The following FRMPD1 variants were observed in gnomAD, a reference collection of about 807,000 sequenced individuals.
FRMPD1 encodes the protein FERM and PDZ domain-containing protein 1.
Under a neutral mutation model 117.8 loss-of-function variants are expected in FRMPD1, and 76 were observed. That is an observed-to-expected ratio of 0.65 (90% confidence interval 0.54 to 0.78). The LOEUF (loss-of-function observed/expected upper bound fraction) is 0.78. Among genes scored for constraint, FRMPD1 ranks in the 30% least tolerant of loss-of-function variants. The pLI, the probability that FRMPD1 is intolerant of heterozygous loss-of-function variation, is 0.00. For synonymous variants in FRMPD1, 783 were observed against 770.4 expected, an observed-to-expected ratio of 1.02 and a Z score of -0.27; for missense variants, 1,786 against 1,964.5, an observed-to-expected ratio of 0.91 and a Z score of 1.72.
At chr9:37,637,356 T>C in the FRMPD1 span, 1 of 793,368 alleles carries the variant, frequency 1.3e-6, no homozygotes, top group South Asian at 1.4e-5. Flanking sequence ...CGTTCCAAGA[T>C]GGTGGCCGCC....
rs1358861499 is a variant in FRMPD1, at chr9:37,744,935, C to T, written c.2903C>T (p.Thr968Ile). The T allele has an allele frequency of 6.2e-7, 1 of 1,614,228 alleles. No individual in the cohort carries two copies. The highest frequency in any genetic ancestry group is 1.7e-5 in the Admixed American group (1 of 60,034). ...CCTGCTGCCAGCTCCTCAGCAAGCA[C>T]TCCTCACTGTTCTAACCCAGGTTCA... Reference protein sequence around the residue: ...VVPAASSSASTPHCSNPGSSG... With the variant: ...VVPAASSSASIPHCSNPGSSG... The change falls in exon 16 of 16, where the codon ACT (threonine) becomes ATT (isoleucine). Residue 968 changes from threonine to isoleucine, a missense_variant. Coordinates refer to ENST00000377765, the MANE Select transcript of FRMPD1 (RefSeq NM_014907.3).
At chr9:37,727,801 G>T (rs1359342150) in intron 7 of FRMPD1, 1 of 151,824 alleles carries the variant, frequency 6.6e-6, no homozygotes, top group Admixed American at 6.6e-5. Context: ...GGGTAGTTAT[G>T]GGGGGTGATG....
intron 1 of FRMPD1, among the ~76,000 whole-genome samples, chr9:37,676,841 G>A (rs893193273): frequency 7.9e-5 from 12 of 152,130 alleles, no homozygotes; most frequent in African/African-American, 2.4e-4. Flanking sequence ...TAGACAGCCC[G>A]TTCTTATGGG....
At chr9:37,692,791 C>CG in intron 2 of FRMPD1, 49 bp downstream of exon 2, 1 of 1,318,250 alleles carries the variant, frequency 7.6e-7, no homozygotes, top group South Asian at 1.2e-5. Flanking sequence ...TCTGGTGTCC[C>CG]GGGGGAGGAG....
At chr9:37,635,339 G>A in the FRMPD1 span, among the ~76,000 whole-genome samples, 9 of 152,334 alleles carry the variant, frequency 5.9e-5, no homozygotes, top group African/African-American at 1.4e-4. Context: ...AACAGAGGTG[G>A]AGATTAGTAT....
the FRMPD1 span, among the ~76,000 whole-genome samples, chr9:37,618,204 A>C: frequency 6.6e-6 from 1 of 152,380 alleles, no homozygotes; most frequent in Non-Finnish European, 1.5e-5. Context: ...CTTTTATGAC[A>C]GGATTAAAAC....
intron 1 of FRMPD1, among the ~76,000 whole-genome samples, chr9:37,662,801 C>T (rs1415919950): frequency 6.6e-6 from 1 of 152,116 alleles, no homozygotes; most frequent in African/African-American, 2.4e-5. Context: ...TCCAAGTCTT[C>T]AGAATAGATT....
intron 1 of FRMPD1, among the ~76,000 whole-genome samples, chr9:37,664,626 C>T (rs567785842): frequency 2.0e-5 from 3 of 152,012 alleles, no homozygotes; most frequent in Non-Finnish European, 2.9e-5. Flanking sequence ...CAGCTTCATC[C>T]GAGGACATCA....
At chr9:37,675,362 G>C (rs7023356) in intron 1 of FRMPD1, among the ~76,000 whole-genome samples, 3 of 151,170 alleles carry the variant, frequency 2.0e-5, no homozygotes, top group African/African-American at 4.9e-5. Context: ...TGGAGGTTGC[G>C]GAGAGGCGAG....
chr9:37,623,977 G>A, the FRMPD1 span, among the ~76,000 whole-genome samples: 999 of 152,332 alleles, frequency 6.6e-3, 18 homozygotes, highest in African/African-American at 0.023. Context: ...TGGGAGAGGT[G>A]CATATGGTTC....
chr9:37,711,064 T>C (rs760849511), intron 4 of FRMPD1, among the ~76,000 whole-genome samples: 162 of 152,196 alleles, frequency 1.1e-3, no homozygotes, highest in Non-Finnish European at 1.9e-3. Flanking sequence ...CCTTAATTAA[T>C]GTTGTGGCTG....
At chr9:37,619,990 G>T in the FRMPD1 span, among the ~76,000 whole-genome samples, 2 of 151,818 alleles carry the variant, frequency 1.3e-5, no homozygotes, top group Non-Finnish European at 2.9e-5. Flanking sequence ...TTGGTGCTGT[G>T]ATATATTCCC....
intron 2 of FRMPD1, among the ~76,000 whole-genome samples, chr9:37,700,856 C>T (rs762656670): frequency 3.9e-5 from 6 of 152,100 alleles, no homozygotes; most frequent in East Asian, 1.9e-4. Context: ...TGGTTTGAAA[C>T]GATTACAAAG....
chr9:37,703,602 C>T (rs1030740241), intron 2 of FRMPD1, among the ~76,000 whole-genome samples: 2 of 152,106 alleles, frequency 1.3e-5, no homozygotes, highest in Non-Finnish European at 2.9e-5. Context: ...TTAGTGTATT[C>T]ACAGATCTGC....
In FRMPD1 at chr9:37,746,579, G is replaced by C; in HGVS notation, c.4547G>C (p.Arg1516Pro). The C allele has an allele frequency of 1.6e-5, 26 of 1,613,818 alleles. No individual in the cohort carries two copies. The highest frequency in any genetic ancestry group is 2.2e-5 in the Non-Finnish European group (26 of 1,179,992). ...ACAGACTGTAGCCGCTGCTCCGCCC[G>C]GCACAGGGAGGCAGCGGGGAACCTG... is the stretch of plus-strand genomic sequence containing the variant. ...QFTDCSRCSA[R>P]HREAAGNLRD... The change falls in exon 16 of 16, where the codon CGG becomes CCG. Residue 1516 changes from arginine to proline, a missense_variant. Physicochemically the swap from Arg to Pro is moderately radical, Grantham distance 103. Coordinates refer to ENST00000377765, the MANE Select transcript of FRMPD1 (RefSeq NM_014907.3).
In FRMPD1 at chr9:37,724,251, C is replaced by T. The variant is rs375253000; in HGVS notation, c.543C>T (p.Asn181=). 5.6e-5 allele frequency: 89 copies of T among 1,597,304 alleles called. 1 individual carries two copies. Among genetic ancestry groups the T allele is most frequent in the African/African-American group, 4.6e-4 (34 of 74,578 alleles). Residue 181 remains asparagine, a synonymous_variant, in exon 7 of 16, where the codon AAC becomes AAT. Coordinates refer to ENST00000377765, the MANE Select transcript of FRMPD1 (RefSeq NM_014907.3). ...SQGNSLLCMP[N]VLKLYLENGQ... is the part of the protein sequence containing the mutation. The stretch of plus-strand genomic sequence containing the variant: ...GTAATTCTCTGCTGTGTATGCCCAA[C>T]GTGCTCAAGCTATACTTGGAGAATG...
intron 1 of FRMPD1, among the ~76,000 whole-genome samples, chr9:37,664,301 G>GTATTTATT (rs143418980): frequency 0.025 from 3,847 of 151,020 alleles, 163 homozygotes; most frequent in African/African-American, 0.087. Context: ...ATGTATGTAT[G>GTATTTATT]TATGTATTTA....
chr9:37,655,696 G>T (rs2119365786), intron 1 of FRMPD1, among the ~76,000 whole-genome samples: 1 of 151,828 alleles, frequency 6.6e-6, no homozygotes, highest in Admixed American at 6.6e-5. Flanking sequence ...GTAGAGACGG[G>T]GTTTCACCAT....
At chr9:37,721,599 AC>A (rs1823401876) in intron 6 of FRMPD1, among the ~76,000 whole-genome samples, 1 of 152,210 alleles carries the variant, frequency 6.6e-6, no homozygotes, top group Non-Finnish European at 1.5e-5. Flanking sequence ...TGGAAAAAAA[AC>A]AAAATTTAAT....
Sources: gnomAD v4.1 joint callset for allele counts (sites outside exome capture counted in the v4.1 genomes callset) on GRCh38, gnomAD v4.1.1 for gene constraint, MANE v1.5 for transcripts, NCBI Gene and HGNC (gene_info 2026-07-23, HGNC 2026-07-21) for gene names.